RALYL: variants seen among roughly 807,000 people sequenced by gnomAD.
RALYL encodes the protein RALY RNA binding protein like, also known as RNA-binding Raly-like protein.
RALYL carries 29 observed loss-of-function variants against 35.1 expected under a neutral mutation model. That is an observed-to-expected ratio of 0.83 (90% confidence interval 0.61 to 1.13). The LOEUF is 1.13. Among genes scored for constraint, RALYL ranks in the 50% most tolerant of loss-of-function variants. RALYL has a pLI of 0.00. For missense variants in RALYL, 359 were observed against 360.4 expected, an observed-to-expected ratio of 1.00 and a Z score of 0.03; for synonymous variants, 120 against 127.6, an observed-to-expected ratio of 0.94 and a Z score of 0.40.
At chr8:84,693,166 C>T (rs184402664) in intron 2 of RALYL, among the ~76,000 whole-genome samples, 9 of 152,022 alleles carry the variant, frequency 5.9e-5, no homozygotes, top group East Asian at 3.9e-4. Context: ...TAATATATCT[C>T]GGACACTGGC....
intron 2 of RALYL, among the ~76,000 whole-genome samples, chr8:84,602,175 C>T (rs1361408813): frequency 3.9e-5 from 6 of 152,212 alleles, no homozygotes; most frequent in Admixed American, 6.5e-5. Context: ...ATCTTTCCCT[C>T]GAGCTCCAGA....
chr8:84,723,985 C>A (rs1844474365), intron 2 of RALYL, among the ~76,000 whole-genome samples: 1 of 151,662 alleles, frequency 6.6e-6, no homozygotes, highest in Admixed American at 6.6e-5. Context: ...TTATCTGGCT[C>A]TGTACCTGGT....
chr8:84,815,487 A>G (rs1586499976), intron 4 of RALYL, among the ~76,000 whole-genome samples: 2 of 148,888 alleles, frequency 1.3e-5, no homozygotes, highest in East Asian at 1.9e-4. Context: ...TAAATAAAAT[A>G]TATTTATAAA....
chr8:84,342,416 T>G (rs1849035348), intron 1 of RALYL, among the ~76,000 whole-genome samples: 1 of 149,946 alleles, frequency 6.7e-6, no homozygotes, highest in Admixed American at 6.7e-5. Flanking sequence ...ATGTCTATGG[T>G]TTTTATTTTC....
rs1853681587 is a variant in RALYL, at chr8:84,364,066, G to A, written c.-23-165233G>A. On this transcript the variant is annotated intron_variant, in intron 1 of 8. Coordinates refer to ENST00000521268, the MANE Select transcript of RALYL (RefSeq NM_173848.7). ...CTTGTTATGCAGTATCTCTCAGTTT[G>A]CAAACTTAGGTATCCCCAAGGGCCA... Among the ~76,000 whole-genome samples, 3 of 152,070 alleles carry A rather than the reference G, an allele frequency of 2.0e-5. No individual in the cohort carries two copies. In the South Asian group the frequency reaches 6.2e-4, roughly 32 times the overall value.
At chr8:84,515,778 T>C (rs990066581) in intron 1 of RALYL, among the ~76,000 whole-genome samples, 1 of 152,138 alleles carries the variant, frequency 6.6e-6, no homozygotes, top group East Asian at 1.9e-4. Flanking sequence ...GAAAAAAATA[T>C]TTTTCCAGCC....
chr8:84,685,153 T>C (rs995100156), intron 2 of RALYL, among the ~76,000 whole-genome samples: 3 of 152,138 alleles, frequency 2.0e-5, no homozygotes, highest in Non-Finnish European at 2.9e-5. Context: ...GGCTGGGGTT[T>C]TGACATGGGA....
chr8:84,530,782 A>G (rs1451654142), intron 2 of RALYL, among the ~76,000 whole-genome samples: 2 of 152,048 alleles, frequency 1.3e-5, no homozygotes, highest in African/African-American at 2.4e-5. Context: ...CATACCTACA[A>G]TGCCCTATAC....
intron 1 of RALYL, among the ~76,000 whole-genome samples, chr8:84,456,140 C>T (rs1330379081): frequency 1.3e-5 from 2 of 151,986 alleles, no homozygotes; most frequent in African/African-American, 4.8e-5. Flanking sequence ...GGCAGAGAGA[C>T]AAGCATGTAG....
chr8:84,704,480 C>CACA (rs1554787622), intron 2 of RALYL, among the ~76,000 whole-genome samples: 9,621 of 139,536 alleles, frequency 0.069, 386 homozygotes, highest in South Asian at 0.13. Flanking sequence ...CACACACACA[C>CACA]ACAACAACTC....
At chr8:84,488,362 G>T (rs2054880522) in intron 1 of RALYL, among the ~76,000 whole-genome samples, 1 of 151,984 alleles carries the variant, frequency 6.6e-6, no homozygotes, top group African/African-American at 2.4e-5. Flanking sequence ...CTGTTTGTAG[G>T]CTTTCTTAGT....
In RALYL at chr8:84,723,726, T is replaced by C. The variant is rs1226396740; in HGVS notation, c.257-50853T>C. ...AGTTAAGATTTAATAAAGATTCACA[T>C]GAGAATATTCTTCTCTTCTGTTTAA... On this transcript the variant is annotated intron_variant, in intron 2 of 8. Coordinates refer to ENST00000521268, the MANE Select transcript of RALYL (RefSeq NM_173848.7). 1.3e-5 allele frequency among the ~76,000 whole-genome samples: 2 copies of C among 151,938 alleles called. 1 individual carries two copies.
In RALYL at chr8:84,427,243, A is replaced by G. The variant is rs374485293; in HGVS notation, c.-23-102056A>G. ...ATCATCGTTTGCCTCAGCTATGGCA[A>G]TAGCTTCCCTACTAGACTTCCAGCT... On this transcript the variant is annotated intron_variant, in intron 1 of 8. Transcript: ENST00000521268. Among the ~76,000 whole-genome samples, 228 of 152,292 alleles carry G rather than the reference A, an allele frequency of 1.5e-3. 2 individuals are homozygous for G. Among genetic ancestry groups the G allele is most frequent in the African/African-American group, 4.5e-3 (186 of 41,572 alleles).
intron 1 of RALYL, among the ~76,000 whole-genome samples, chr8:84,303,099 A>T (rs978326994): frequency 1.3e-5 from 2 of 152,222 alleles, no homozygotes. Context: ...ATTATTCTTC[A>T]TATGTGTCTA....
chr8:84,798,049 C>T (rs1393877126), intron 3 of RALYL, among the ~76,000 whole-genome samples: 1 of 152,062 alleles, frequency 6.6e-6, no homozygotes, highest in East Asian at 1.9e-4. Flanking sequence ...GTTAGTGAGC[C>T]CAAATAAATA....
intron 1 of RALYL, among the ~76,000 whole-genome samples, chr8:84,469,870 G>A (rs893031749): frequency 1.3e-5 from 2 of 152,202 alleles, no homozygotes; most frequent in African/African-American, 2.4e-5. Context: ...CGTCGGAAAA[G>A]CGCAGTATTC....
intron 1 of RALYL, among the ~76,000 whole-genome samples, chr8:84,330,781 G>A (rs530641013): frequency 1.3e-5 from 2 of 152,028 alleles, no homozygotes; most frequent in Non-Finnish European, 2.9e-5. Context: ...GGTTTTGATA[G>A]AATCTTGAGA....
intron 2 of RALYL, among the ~76,000 whole-genome samples, chr8:84,771,737 G>A (rs1376702234): frequency 6.6e-6 from 1 of 151,708 alleles, no homozygotes; most frequent in Non-Finnish European, 1.5e-5. Context: ...TTGGTGTTTT[G>A]ACTCTCTTTA....
intron 1 of RALYL, among the ~76,000 whole-genome samples, chr8:84,369,621 C>T (rs943884789): frequency 4.6e-5 from 7 of 152,040 alleles, no homozygotes; most frequent in African/African-American, 1.4e-4. Flanking sequence ...TTCATTGAAA[C>T]ATGTTACTTT....
Sources: allele counts gnomAD v4.1 joint callset (sites outside exome capture counted in the v4.1 genomes callset), GRCh38; gene constraint gnomAD v4.1.1; transcripts MANE v1.5; gene names NCBI Gene and HGNC (gene_info 2026-07-23, HGNC 2026-07-21).